MARF1: variants seen among roughly 807,000 people sequenced by gnomAD.
MARF1 encodes the protein meiosis regulator and mRNA stability factor 1.
A neutral mutation model predicts 168.2 loss-of-function variants in MARF1; 24 were observed. The observed-to-expected ratio is 0.14, with a 90% CI of 0.10 to 0.20. The LOEUF (loss-of-function observed/expected upper bound fraction) is 0.20. Ranked by LOEUF, MARF1 falls within the 10% of genes least tolerant of loss-of-function variation. MARF1 has a pLI of 1.00. For synonymous variants in MARF1, 868 were observed against 822.4 expected (o/e 1.06, Z -0.95); for missense variants, 1,744 against 2,143.6 (o/e 0.81, Z 3.68).
intron 26 of MARF1, 47 bp downstream of exon 26, chr16:15,598,807 G>A: frequency 1.9e-6 from 3 of 1,582,170 alleles, no homozygotes; most frequent in Non-Finnish European, 2.6e-6. Flanking sequence ...TCGTGGTTTT[G>A]TTTTAAACCC....
At chr16:15,617,939 C>G (rs1046274589) in intron 13 of MARF1, among the ~76,000 whole-genome samples, 1 of 152,110 alleles carries the variant, frequency 6.6e-6, no homozygotes, top group African/African-American at 2.4e-5. Context: ...TCTCCTATGC[C>G]TCAACTGCAT....
intron 1 of MARF1, among the ~76,000 whole-genome samples, chr16:15,640,231 C>T (rs577170501): frequency 1.3e-4 from 20 of 152,302 alleles, no homozygotes; most frequent in African/African-American, 1.7e-4. Context: ...AAAGTCCAAA[C>T]TAAGTGGCCT....
At chr16:15,611,462 A>C (rs980812953) in intron 18 of MARF1, 130 bp downstream of exon 18, 10 of 858,264 alleles carry the variant, frequency 1.2e-5, no homozygotes, top group South Asian at 4.1e-5. Context: ...AAAAAAAAAA[A>C]AAACAAAAAA....
At chr16:15,641,280 A>G (rs1383427592) in intron 1 of MARF1, among the ~76,000 whole-genome samples, 1 of 152,194 alleles carries the variant, frequency 6.6e-6, no homozygotes, top group Non-Finnish European at 1.5e-5. Context: ...AACATTACCT[A>G]CTACACACTA....
In MARF1 at chr16:15,630,511, GA is replaced by G; in HGVS notation, c.1352-8del. Reference sequence around the variant, plus strand: ...AATGCAAAATTGACATCAGCTGAAAGAAAAGGTACAGACCAACCCCATCCCC... The same window carrying G: ...AATGCAAAATTGACATCAGCTGAAAGAAAGGTACAGACCAACCCCATCCCC... On this transcript the variant is annotated splice_region_variant and splice_polypyrimidine_tract_variant and intron_variant, in intron 6 of 26. Coordinates refer to ENST00000396368, the MANE Select transcript of MARF1 (RefSeq NM_014647.4). 2 of 1,611,798 alleles carry G rather than the reference GA, an allele frequency of 1.2e-6. No homozygotes were observed. The highest frequency in any genetic ancestry group is 2.2e-5 in the East Asian group (1 of 44,844).
At chr16:15,598,369 G>A (rs746110941) in intron 26 of MARF1, among the ~76,000 whole-genome samples, 4 of 152,208 alleles carry the variant, frequency 2.6e-5, no homozygotes, top group Non-Finnish European at 5.9e-5. Context: ...GCCTGCACTA[G>A]GCTGGGACTC....
rs749713858 is a variant in MARF1, at chr16:15,621,825, T to C, written c.2547A>G (p.Ala849=). The change falls in exon 12 of 27, where the codon GCA becomes GCG. Residue 849 remains alanine, a synonymous_variant. Coordinates refer to ENST00000396368, the MANE Select transcript of MARF1 (RefSeq NM_014647.4). ...TTTTGTATCTGTGGAGGCTATTCAC[T>C]GCACCGATCGCATCTTGTAAGTTTT... ...QMENLQDAIG[A]VNSLHRYKIG... The C allele has an allele frequency of 6.2e-7, 1 of 1,614,186 alleles. No individual in the cohort carries two copies. Among genetic ancestry groups the C allele is most frequent in the East Asian group, 2.2e-5 (1 of 44,882 alleles).
rs753314571 is a variant in MARF1, at chr16:15,609,619, A to G, written c.3858T>C (p.Pro1286=). 2 of 1,614,218 alleles carry G rather than the reference A, an allele frequency of 1.2e-6. No individual in the cohort carries two copies. The highest frequency in any genetic ancestry group is 1.7e-6 in the Non-Finnish European group (2 of 1,180,030). The change falls in exon 20 of 27, where the codon CCT becomes CCC. Residue 1286 remains proline, a synonymous_variant. Transcript: ENST00000396368. ...GCCGGCCAAAGTGGTGATGGTAAGAAGGGATAAATTTATTAAAGGGCATCC... is the reference window on the plus strand; with the variant it reads ...GCCGGCCAAAGTGGTGATGGTAAGAGGGGATAAATTTATTAAAGGGCATCC... ...HFRMPFNKFI[P]SYHHHFGRQC...
chr16:15,609,249 A>G (rs1209339290), intron 20 of MARF1, among the ~76,000 whole-genome samples: 1 of 149,894 alleles, frequency 6.7e-6, no homozygotes, highest in Non-Finnish European at 1.5e-5. Flanking sequence ...CAAAAAACAA[A>G]AACAAACAAA....
In MARF1 at chr16:15,596,354, C is replaced by T. The variant is rs2031683308; in HGVS notation, c.*339G>A. ...ACGTGGCTCAATGGAAGCAAAACCG[C>T]TTCCTGCTAGTTGAGTTTTTAGTGC... On this transcript the variant is annotated 3_prime_UTR_variant, in exon 27 of 27. Transcript: ENST00000396368. 5.7e-6 allele frequency: 1 copy of T among 175,422 alleles called. No homozygotes were observed. Among genetic ancestry groups the T allele is most frequent in the South Asian group, 1.8e-4 (1 of 5,664 alleles). The allele number at this position is 175,422 out of a possible 1,614,324, so 10.9% of individuals were successfully genotyped here. A position where few individuals can be genotyped will look rare whatever the true frequency, so the allele number is the denominator to read the frequency against.
At chr16:15,631,532 G>A in intron 5 of MARF1, 34 bp from the exon 6 acceptor site, 9 of 1,457,236 alleles carry the variant, frequency 6.2e-6, no homozygotes, top group Non-Finnish European at 8.6e-6. Context: ...GAATAAGCAG[G>A]AGCTGAGGCT....
At chr16:15,639,977 T>G (rs1272393399) in intron 1 of MARF1, among the ~76,000 whole-genome samples, 1 of 152,182 alleles carries the variant, frequency 6.6e-6, no homozygotes, top group Non-Finnish European at 1.5e-5. Flanking sequence ...CTTGGAAACT[T>G]GCATATTCCA....
intron 15 of MARF1, 34 bp from the exon 16 acceptor site, chr16:15,616,039 G>A (rs1023923914): frequency 2.8e-6 from 4 of 1,427,628 alleles, no homozygotes; most frequent in Non-Finnish European, 3.7e-6. Flanking sequence ...AAAAGGAAAG[G>A]TTAAATCAAA....
intron 7 of MARF1, among the ~76,000 whole-genome samples, chr16:15,629,551 ACT>A (rs1398794839): frequency 6.6e-6 from 1 of 152,082 alleles, no homozygotes; most frequent in East Asian, 1.9e-4. Context: ...TACTTCTGTA[ACT>A]CTCAGTTATT....
Position 15,617,446 on chromosome 16 carries a change from A to G in MARF1, c.2810T>C (p.Leu937Pro). Residue 937 changes from leucine to proline, a missense_variant, in exon 14 of 27, where the codon CTC (leucine) becomes CCC (proline). Physicochemically the swap from Leu to Pro is moderately conservative, Grantham distance 98 (BLOSUM62 -3). Around this residue, in one of 7 missense-constraint regions of MARF1, gnomAD observed 543 missense variants for 742.1 expected, o/e 0.73. Coordinates refer to ENST00000396368, the MANE Select transcript of MARF1 (RefSeq NM_014647.4). ...CTGGCGGGCCTGACTGCTGGGTAGG[A>G]GACACACCAGCCGTCCGTTTCCTTG... ...REQGNGRLVC[L>P]LPSSQARQSP... 6.2e-7 allele frequency: 1 copy of G among 1,613,930 alleles called. No individual in the cohort carries two copies. The highest frequency in any genetic ancestry group is 8.5e-7 in the Non-Finnish European group (1 of 1,179,988).
chr16:15,597,761 T>C (rs1416646267), intron 26 of MARF1, among the ~76,000 whole-genome samples: 2 of 152,142 alleles, frequency 1.3e-5, no homozygotes, highest in African/African-American at 2.4e-5. Context: ...GTGCATGCAG[T>C]TGAACTTGCC....
Position 15,595,082 on chromosome 16 carries a change from T to C in MARF1, c.*1611A>G, listed in dbSNP as rs2150989221. 1 of 152,756 alleles carries C rather than the reference T, an allele frequency of 6.5e-6. No homozygotes were observed. Among genetic ancestry groups the C allele is most frequent in the Non-Finnish European group, 1.5e-5 (1 of 68,030 alleles). 9.5% of individuals were successfully genotyped at this position (152,756 alleles called of 1,614,324 possible). A position where few individuals can be genotyped will look rare whatever the true frequency, so the allele number is the denominator to read the frequency against. On this transcript the variant is annotated 3_prime_UTR_variant, in exon 27 of 27. Transcript: ENST00000396368. ...GTTTAAAAGCTCCTTTAAAAAAAAT[T>C]GCACATTTGCATTTCACTTCCTGTA...
At chr16:15,602,566 AAAGATGAAG>A (rs1268934522) in intron 22 of MARF1, 2 of 467,370 alleles carry the variant, frequency 4.3e-6, no homozygotes, top group Admixed American at 2.4e-5. Context: ...GGACAAAGAC[AAAGATGAAG>A]AAGATGAAGA....
chr16:15,612,529 A>C (rs1036529004), intron 17 of MARF1, 28 bp downstream of exon 17: 1 of 1,582,708 alleles, frequency 6.3e-7, no homozygotes, highest in Admixed American at 1.7e-5. Flanking sequence ...TCCTGCCTGT[A>C]AACAAGTAAT....
Sources: allele counts gnomAD v4.1 joint callset (sites outside exome capture counted in the v4.1 genomes callset), GRCh38; gene constraint gnomAD v4.1.1; regional missense constraint gnomAD v4.1.1; transcripts MANE v1.5; gene names NCBI Gene and HGNC (gene_info 2026-07-23, HGNC 2026-07-21).